Variants in SLC6A11 observed in about 807,000 individuals in gnomAD.
The protein encoded by SLC6A11 is sodium- and chloride-dependent GABA transporter 3.
A neutral mutation model predicts 74.8 loss-of-function variants in SLC6A11; 25 were observed. The ratio of observed to expected loss-of-function variants is 0.33; its 90% CI spans 0.24 to 0.47. SLC6A11 has a LOEUF of 0.47. Ranked by LOEUF, SLC6A11 falls within the 20% of genes least tolerant of loss-of-function variation. The pLI is 1.00. For synonymous variants in SLC6A11, 330 were observed against 330.2 expected (o/e 1.00, Z 0.01); for missense variants, 574 against 837.0 (o/e 0.69, Z 3.88).
intron 5 of SLC6A11, among the ~76,000 whole-genome samples, chr3:10,871,889 AC>A (rs1263425858): frequency 6.6e-6 from 1 of 152,226 alleles, no homozygotes; most frequent in Admixed American, 6.5e-5. Flanking sequence ...TGGGGAGGTT[AC>A]CATCATTGCA....
At position 10,819,762 on chromosome 3, in the gene SLC6A11, A is replaced by G. The variant is rs370966529; in HGVS notation, c.442A>G (p.Ile148Val). Residue 148 changes from isoleucine (I) to valine (V), a missense_variant, in exon 3 of 14, where the codon ATC becomes GTC. By Grantham distance (29) the Ile-to-Val change is conservative. Transcript: ENST00000254488. ...TGAGGCCCATCTGAATGTGTACTAC[A>G]TCATCATCCTGGCATGGGCCATTTT... ...VIEAHLNVYY[I>V]IILAWAIFYL... 1.2e-6 allele frequency: 2 copies of G among 1,614,122 alleles called. No homozygotes were observed. Among genetic ancestry groups the G allele is most frequent in the African/African-American group, 2.7e-5 (2 of 74,950 alleles).
At chr3:10,821,035 C>A (rs531681064) in intron 3 of SLC6A11, among the ~76,000 whole-genome samples, 1 of 152,194 alleles carries the variant, frequency 6.6e-6, no homozygotes, top group South Asian at 2.1e-4. Context: ...CTGCCCTACT[C>A]CCCTACTCTG....
intron 4 of SLC6A11, among the ~76,000 whole-genome samples, chr3:10,841,124 A>G (rs1190903270): frequency 6.6e-6 from 1 of 152,126 alleles, no homozygotes; most frequent in Non-Finnish European, 1.5e-5. Context: ...CACACTAAAT[A>G]TTACTTATGT....
At position 10,873,553 on chromosome 3, in the gene SLC6A11, C is replaced by CATGCTAT. The variant is rs1559566890; in HGVS notation, c.757-1408_757-1407insATGCTAT. ...TCCTGTCCTATCCTATCCTATCCTA[C>CATGCTAT]CCTACCCTACCCTACCCTACCCTAC... On this transcript the variant is annotated intron_variant, in intron 5 of 13. Coordinates refer to ENST00000254488, the MANE Select transcript of SLC6A11 (RefSeq NM_014229.3). Among the ~76,000 whole-genome samples, 242 of 88,070 alleles carry CATGCTAT rather than the reference C, an allele frequency of 2.7e-3. 1 individual carries two copies. The highest frequency in any genetic ancestry group is 9.0e-3 in the African/African-American group (124 of 13,782). The allele number at this position is 88,070 out of a possible 152,430, so 57.8% of individuals were successfully genotyped here. A position where few individuals can be genotyped will look rare whatever the true frequency, so the allele number is the denominator to read the frequency against.
intron 5 of SLC6A11, among the ~76,000 whole-genome samples, chr3:10,859,557 G>A (rs769369120): frequency 6.6e-5 from 10 of 152,280 alleles, no homozygotes; most frequent in Admixed American, 1.3e-4. Context: ...CAGTGGAATC[G>A]TTAGCATGTA....
intron 5 of SLC6A11, among the ~76,000 whole-genome samples, chr3:10,872,725 C>T (rs1694841820): frequency 6.6e-6 from 1 of 152,180 alleles, no homozygotes; most frequent in Non-Finnish European, 1.5e-5. Context: ...TAAAGGAATA[C>T]ATGAATGAAC....
intron 6 of SLC6A11, among the ~76,000 whole-genome samples, chr3:10,885,090 G>C (rs78066697): frequency 2.6e-5 from 4 of 152,186 alleles, no homozygotes; most frequent in African/African-American, 9.7e-5. Context: ...TTTCTCACAT[G>C]GCAGACCAAG....
At chr3:10,879,524 G>A (rs895768621) in intron 6 of SLC6A11, among the ~76,000 whole-genome samples, 1 of 152,160 alleles carries the variant, frequency 6.6e-6, no homozygotes, top group African/African-American at 2.4e-5. Context: ...TAGCCTCTAG[G>A]GGGCCATGTC....
chr3:10,840,934 TAC>T (rs1287561868), intron 4 of SLC6A11, among the ~76,000 whole-genome samples: 1 of 152,126 alleles, frequency 6.6e-6, no homozygotes, highest in African/African-American at 2.4e-5. Context: ...ATTCCCATTT[TAC>T]AGATGAGGAA....
chr3:10,902,874 G>A (rs1695257959), intron 6 of SLC6A11, among the ~76,000 whole-genome samples: 2 of 152,214 alleles, frequency 1.3e-5, no homozygotes, highest in African/African-American at 4.8e-5. Context: ...TTTCTCTAAA[G>A]TAAATGGACA....
chr3:10,837,830 C>A (rs917685129), intron 4 of SLC6A11, among the ~76,000 whole-genome samples: 1 of 152,312 alleles, frequency 6.6e-6, no homozygotes, highest in Middle Eastern at 3.4e-3. Flanking sequence ...CTGTCGGAGT[C>A]CCCCCATAAA....
chr3:10,892,913 C>T (rs766809921), intron 6 of SLC6A11, among the ~76,000 whole-genome samples: 2 of 152,280 alleles, frequency 1.3e-5, no homozygotes, highest in Admixed American at 1.3e-4. Context: ...TCATTCTAAG[C>T]AAGCGTATGA....
intron 5 of SLC6A11, among the ~76,000 whole-genome samples, chr3:10,871,277 A>C (rs1694825567): frequency 6.6e-6 from 1 of 152,202 alleles, no homozygotes; most frequent in African/African-American, 2.4e-5. Context: ...AAGTGGCCCC[A>C]CAGGTGAAGG....
intron 5 of SLC6A11, among the ~76,000 whole-genome samples, chr3:10,845,839 A>G (rs1219200034): frequency 1.3e-5 from 2 of 152,194 alleles, no homozygotes; most frequent in Admixed American, 6.5e-5. Flanking sequence ...TTTTCCAACT[A>G]TAAAATTGTG....
At chr3:10,928,722 G>A (rs76397284) in intron 9 of SLC6A11, among the ~76,000 whole-genome samples, 2,589 of 152,108 alleles carry the variant, frequency 0.017, 86 homozygotes, top group East Asian at 0.16. Context: ...GCAGGGAAGC[G>A]TCCCAACCCC....
chr3:10,845,329 A>T (rs1694489855), intron 5 of SLC6A11, among the ~76,000 whole-genome samples: 1 of 152,014 alleles, frequency 6.6e-6, no homozygotes, highest in African/African-American at 2.4e-5. Context: ...ATCACCCCCA[A>T]TCCTGTGGCT....
chr3:10,854,691 C>G (rs146144777), intron 5 of SLC6A11, among the ~76,000 whole-genome samples: 13 of 152,184 alleles, frequency 8.5e-5, no homozygotes, highest in Non-Finnish European at 1.8e-4. Flanking sequence ...AGAGCCAAGA[C>G]GCGGATGCAG....
chr3:10,901,975 A>G (rs1695245718), intron 6 of SLC6A11, among the ~76,000 whole-genome samples: 1 of 152,240 alleles, frequency 6.6e-6, no homozygotes, highest in African/African-American at 2.4e-5. Context: ...AGGCAAAAAG[A>G]AAGAGCTTAA....
chr3:10,940,207 C>T lies in SLC6A11; in HGVS notation c.*1805C>T, dbSNP rs1272322241. 6.6e-6 allele frequency: 1 copy of T among 152,274 alleles called. No homozygotes were observed. The highest frequency in any genetic ancestry group is 1.5e-5 in the Non-Finnish European group (1 of 68,100). 9.4% of individuals were successfully genotyped at this position (152,274 alleles called of 1,614,324 possible). On this transcript the variant is annotated 3_prime_UTR_variant, in exon 14 of 14. Transcript: ENST00000254488. ...TTCTTATGGGCAAGCCACCATCCCACTCTCGTCTCCCTGAGCTGTCTGGTT... is the reference window on the plus strand; with the variant it reads ...TTCTTATGGGCAAGCCACCATCCCATTCTCGTCTCCCTGAGCTGTCTGGTT...
Sources: gnomAD v4.1 joint callset for allele counts (sites outside exome capture counted in the v4.1 genomes callset) on GRCh38, gnomAD v4.1.1 for gene constraint, MANE v1.5 for transcripts, NCBI Gene and HGNC (gene_info 2026-07-23, HGNC 2026-07-21) for gene names.